ADAMTS17: variants seen among roughly 807,000 people sequenced by gnomAD.
ADAMTS17 encodes A disintegrin and metalloproteinase with thrombospondin motifs 17.
A neutral mutation model predicts 141.5 loss-of-function variants in ADAMTS17; 113 were observed. That is an observed-to-expected ratio of 0.80 (90% confidence interval 0.69 to 0.93). The LOEUF (loss-of-function observed/expected upper bound fraction) is 0.93, where lower values mean the gene tolerates loss of function less well. Among genes scored for constraint, ADAMTS17 ranks in the 40% least tolerant of loss-of-function variants. The pLI, the probability that ADAMTS17 is intolerant of heterozygous loss-of-function variation, is 0.00. For synonymous variants in ADAMTS17, 768 were observed against 630.6 expected (o/e 1.22, Z -3.27); for missense variants, 1,659 against 1,517.9 (o/e 1.09, Z -1.54).
At position 100,066,669 on chromosome 15, in the gene ADAMTS17, T is replaced by C. The variant is rs114373308; in HGVS notation, c.2138-12615A>G. Among the ~76,000 whole-genome samples the C allele has an allele frequency of 7.3e-3, 1,110 of 152,302 alleles. 13 individuals carry two copies. Among genetic ancestry groups the C allele is most frequent in the African/African-American group, 0.026 (1,061 of 41,548 alleles). ...ATTGTCCTTTAACACTTGAAATACA[T>C]TTTTCCACTGTCTTCCCTTATGATA... On this transcript the variant is annotated intron_variant, in intron 15 of 21. Coordinates refer to ENST00000268070, the MANE Select transcript of ADAMTS17 (RefSeq NM_139057.4).
At chr15:100,145,405 G>C (rs957187402) in intron 10 of ADAMTS17, among the ~76,000 whole-genome samples, 4 of 152,188 alleles carry the variant, frequency 2.6e-5, no homozygotes, top group African/African-American at 9.6e-5. Flanking sequence ...ACAGCATCTA[G>C]CAAGTAGTAG....
At position 100,281,366 on chromosome 15, in the gene ADAMTS17, C is replaced by A. The variant is rs1229933717; in HGVS notation, c.652G>T (p.Asp218Tyr). ...KKPTWGRPSR[D>Y]WRERRNAIRL... ...ATAGCGTTCCTCCGCTCCCGCCAGT[C>A]CCGCGAAGGCCTGCCCCACGTCGGC... The change falls in exon 4 of 22, where the codon GAC becomes TAC. Residue 218 changes from aspartate to tyrosine, a missense_variant. Physicochemically the swap from Asp to Tyr is radical, Grantham distance 160 (BLOSUM62 -3). Coordinates refer to ENST00000268070, the MANE Select transcript of ADAMTS17 (RefSeq NM_139057.4). 1.9e-6 allele frequency: 3 copies of A among 1,612,698 alleles called. No homozygotes were observed. The highest frequency in any genetic ancestry group is 2.2e-5 in the South Asian group (2 of 91,070).
intron 6 of ADAMTS17, among the ~76,000 whole-genome samples, chr15:100,254,838 C>T (rs948146568): frequency 4.6e-5 from 7 of 152,092 alleles, no homozygotes; most frequent in African/African-American, 1.7e-4. Flanking sequence ...ACACCAGGGC[C>T]AGCCGGGGGA....
At chr15:100,192,084 C>T (rs1333839736) in intron 8 of ADAMTS17, among the ~76,000 whole-genome samples, 1 of 152,196 alleles carries the variant, frequency 6.6e-6, no homozygotes, top group Non-Finnish European at 1.5e-5. Context: ...AAGGCCTGCA[C>T]GTTTTGAACA....
rs377540510 is a variant in ADAMTS17, at chr15:100,254,163, G to T, written c.1048C>A (p.His350Asn). ...VFVTRTDFCV[H>N]KDEPCDTVGI... ...ACAGTGTCACACGGTTCATCCTTGT[G>T]TACACAGAAATCTGTCCTAAAAAAT... The change falls in exon 7 of 22, where the codon CAC becomes AAC. Residue 350 changes from histidine (H) to asparagine (N), a missense_variant. By Grantham distance (68) the His-to-Asn change is moderately conservative. Transcript: ENST00000268070. 3.7e-6 allele frequency: 6 copies of T among 1,613,160 alleles called. No homozygotes were observed. In the East Asian group the frequency reaches 1.3e-4, roughly 36 times the overall value.
intron 7 of ADAMTS17, among the ~76,000 whole-genome samples, chr15:100,235,674 C>T (rs2042632600): frequency 2.0e-5 from 3 of 152,166 alleles, no homozygotes; most frequent in South Asian, 2.1e-4. Context: ...GAGAACCATT[C>T]GCTTCGGGGA....
chr15:100,244,291 G>A (rs1269969958), intron 7 of ADAMTS17, among the ~76,000 whole-genome samples: 2 of 149,740 alleles, frequency 1.3e-5, no homozygotes, highest in Admixed American at 6.6e-5. Flanking sequence ...GATTTGGGTG[G>A]GGACACAGCC....
At chr15:100,162,653 C>A (rs2039759816) in intron 8 of ADAMTS17, among the ~76,000 whole-genome samples, 1 of 35,562 alleles carries the variant, frequency 2.8e-5, no homozygotes, top group South Asian at 1.1e-3. Flanking sequence ...TGCACATATA[C>A]ACATTATATG....
intron 4 of ADAMTS17, 59 bp downstream of exon 4, chr15:100,281,170 G>T: frequency 6.3e-7 from 1 of 1,595,066 alleles, no homozygotes; most frequent in South Asian, 1.1e-5. Context: ...CCTGCTTCCA[G>T]ATCTCTCATC....
chr15:100,295,489 C>T (rs1363017306), intron 3 of ADAMTS17, among the ~76,000 whole-genome samples: 1 of 152,146 alleles, frequency 6.6e-6, no homozygotes, highest in African/African-American at 2.4e-5. Flanking sequence ...TGGGCTATTA[C>T]AGGACCCAGC....
At chr15:100,270,555 G>A (rs117209793) in intron 4 of ADAMTS17, among the ~76,000 whole-genome samples, 3,413 of 151,786 alleles carry the variant, frequency 0.022, 68 homozygotes, top group Non-Finnish European at 0.03. Flanking sequence ...TGAATCCTTC[G>A]CAAAGGATGC....
chr15:100,084,638 G>A (rs929091170), intron 15 of ADAMTS17, among the ~76,000 whole-genome samples: 1 of 152,168 alleles, frequency 6.6e-6, no homozygotes, highest in African/African-American at 2.4e-5. Flanking sequence ...ACTCCTCCAA[G>A]ACAGAACTTC....
intron 15 of ADAMTS17, among the ~76,000 whole-genome samples, chr15:100,075,170 C>T (rs543457533): frequency 1.3e-5 from 2 of 152,290 alleles, no homozygotes; most frequent in South Asian, 4.1e-4. Context: ...TACTTTCTCA[C>T]ATCCCATTTC....
At chr15:100,176,207 G>A (rs1362764082) in intron 8 of ADAMTS17, among the ~76,000 whole-genome samples, 1 of 152,244 alleles carries the variant, frequency 6.6e-6, no homozygotes, top group African/African-American at 2.4e-5. Context: ...CTGACGGTGA[G>A]ATGGGATGAT....
intron 13 of ADAMTS17, among the ~76,000 whole-genome samples, chr15:100,114,254 C>T (rs371189095): frequency 4.6e-5 from 7 of 151,666 alleles, no homozygotes; most frequent in African/African-American, 1.7e-4. Context: ...CAAAGAATTC[C>T]GCAGCGATAG....
At chr15:100,310,068 A>T (rs1413048660) in intron 3 of ADAMTS17, among the ~76,000 whole-genome samples, 1 of 152,258 alleles carries the variant, frequency 6.6e-6, no homozygotes, top group South Asian at 2.1e-4. Context: ...ATGCATATTT[A>T]TACTAAGGCA....
intron 15 of ADAMTS17, among the ~76,000 whole-genome samples, chr15:100,060,770 G>C (rs758285888): frequency 2.0e-5 from 3 of 152,246 alleles, no homozygotes; most frequent in African/African-American, 7.2e-5. Context: ...AGGTGGTTTT[G>C]AGCAGAAAGC....
At chr15:100,313,311 G>A (rs912057533) in intron 3 of ADAMTS17, among the ~76,000 whole-genome samples, 1 of 152,174 alleles carries the variant, frequency 6.6e-6, no homozygotes, top group African/African-American at 2.4e-5. Flanking sequence ...ACACTCTGAG[G>A]AAAGAATACA....
chr15:100,222,055 T>C (rs1454636350), intron 7 of ADAMTS17, among the ~76,000 whole-genome samples: 1 of 152,206 alleles, frequency 6.6e-6, no homozygotes, highest in East Asian at 1.9e-4. Flanking sequence ...AGTCACGCCT[T>C]AGCCTTAAGA....
Sources: gnomAD v4.1 joint callset for allele counts (sites outside exome capture counted in the v4.1 genomes callset) on GRCh38, gnomAD v4.1.1 for gene constraint, MANE v1.5 for transcripts, NCBI Gene and HGNC (gene_info 2026-07-23, HGNC 2026-07-21) for gene names.